The following FHIP1A variants were observed in gnomAD, a reference collection of about 807,000 sequenced individuals.
The protein encoded by FHIP1A is FHF complex subunit HOOK interacting protein 1A, also known as FHF complex subunit HOOK-interacting protein 1A.
FHIP1A carries 61 observed loss-of-function variants against 88.6 expected under a neutral mutation model. The ratio of observed to expected loss-of-function variants is 0.69; its 90% CI spans 0.56 to 0.85. FHIP1A has a LOEUF of 0.85. Ranked by LOEUF, FHIP1A falls within the 40% of genes least tolerant of loss-of-function variation. The pLI, the probability that FHIP1A is intolerant of heterozygous loss-of-function variation, is 0.00. For synonymous variants in FHIP1A, 478 were observed against 496.0 expected (o/e 0.96, Z 0.48); for missense variants, 1,154 against 1,273.5 (o/e 0.91, Z 1.43).
At chr4:151,545,101 T>G (rs1732441884) in intron 3 of FHIP1A, among the ~76,000 whole-genome samples, 1 of 152,164 alleles carries the variant, frequency 6.6e-6, no homozygotes, top group Non-Finnish European at 1.5e-5. Flanking sequence ...AAGTCCTCAC[T>G]GCCCTCACTA....
intron 1 of FHIP1A, among the ~76,000 whole-genome samples, chr4:151,432,457 A>G (rs371813037): frequency 6.6e-6 from 1 of 152,226 alleles, no homozygotes; most frequent in African/African-American, 2.4e-5. Flanking sequence ...CAAGGTTCCT[A>G]TTCTCATTGG....
In FHIP1A at chr4:151,458,406, G is replaced by A. The variant is rs192698121; in HGVS notation, c.-248+3598G>A. The stretch of plus-strand genomic sequence containing the variant: ...AGCCTAGCCAGGTCTGCTGTGGTGT[G>A]AACAGGCTCTAGGAAAGTCTTCACC... On this transcript the variant is annotated intron_variant, in intron 2 of 13. Transcript: ENST00000435205. Among the ~76,000 whole-genome samples the A allele has an allele frequency of 2.6e-5, 4 of 152,296 alleles. No individual in the cohort carries two copies. The East Asian group carries it at 5.8e-4, about 22-fold the overall frequency.
At chr4:151,478,159 C>T (rs1280012298) in intron 2 of FHIP1A, among the ~76,000 whole-genome samples, 3 of 152,030 alleles carry the variant, frequency 2.0e-5, no homozygotes, top group Non-Finnish European at 2.9e-5. Flanking sequence ...GCTGTACACT[C>T]GAAAATGTTC....
chr4:151,495,417 G>A (rs566469580), intron 3 of FHIP1A, among the ~76,000 whole-genome samples: 10 of 151,602 alleles, frequency 6.6e-5, no homozygotes, highest in East Asian at 5.9e-4. Flanking sequence ...CACAAGAATC[G>A]CTTGAACCTG....
At chr4:151,455,594 T>G (rs1728938936) in intron 2 of FHIP1A, among the ~76,000 whole-genome samples, 4 of 152,188 alleles carry the variant, frequency 2.6e-5, no homozygotes, top group South Asian at 2.1e-4. Context: ...TCCTCATATT[T>G]TGGAAGTTCA....
chr4:151,599,476 A>G (rs1734778059), intron 7 of FHIP1A, among the ~76,000 whole-genome samples: 1 of 152,178 alleles, frequency 6.6e-6, no homozygotes, highest in African/African-American at 2.4e-5. Context: ...GAAGGCTGGG[A>G]GAGCTTTCAG....
intron 2 of FHIP1A, among the ~76,000 whole-genome samples, chr4:151,478,992 T>C (rs2126630671): frequency 6.6e-6 from 1 of 152,210 alleles, no homozygotes; most frequent in Admixed American, 6.6e-5. Context: ...CCCAAAGTCA[T>C]CCAAATTACA....
chr4:151,463,732 C>G (rs1176102771), intron 2 of FHIP1A, among the ~76,000 whole-genome samples: 1 of 152,198 alleles, frequency 6.6e-6, no homozygotes, highest in African/African-American at 2.4e-5. Context: ...TGTCTGATGA[C>G]AATACCGAGC....
At chr4:151,541,764 C>T (rs530688392) in intron 3 of FHIP1A, among the ~76,000 whole-genome samples, 12 of 152,250 alleles carry the variant, frequency 7.9e-5, no homozygotes, top group South Asian at 4.2e-4. Flanking sequence ...TGGGCTCTGT[C>T]GGTAGTAGCC....
intron 3 of FHIP1A, among the ~76,000 whole-genome samples, chr4:151,494,689 T>C (rs1462598131): frequency 6.6e-6 from 1 of 152,246 alleles, no homozygotes; most frequent in Non-Finnish European, 1.5e-5. Context: ...TGAAATACTT[T>C]TTTCTAATTT....
intron 1 of FHIP1A, among the ~76,000 whole-genome samples, chr4:151,428,746 T>TC (rs1733479838): frequency 6.6e-6 from 1 of 151,578 alleles, no homozygotes; most frequent in African/African-American, 2.4e-5. Flanking sequence ...CCACTGTCGT[T>TC]CTTTCATTTC....
intron 7 of FHIP1A, among the ~76,000 whole-genome samples, chr4:151,603,344 G>A (rs11932059): frequency 0.29 from 43,185 of 151,230 alleles, 6,389 homozygotes; most frequent in Non-Finnish European, 0.33. Flanking sequence ...GTAAAGAATC[G>A]CTTTATTAAC....
intron 1 of FHIP1A, among the ~76,000 whole-genome samples, chr4:151,419,568 C>CTTTTTTTTTTTTTTTTT (rs70941499): frequency 9.1e-5 from 2 of 21,984 alleles, no homozygotes; most frequent in African/African-American, 4.3e-4. Context: ...GTTCCTCATT[C>CTTTTTTTTTTTTTTTTT]TTTTTTTTTT....
At chr4:151,580,716 G>T (rs929037904) in intron 5 of FHIP1A, among the ~76,000 whole-genome samples, 3 of 152,146 alleles carry the variant, frequency 2.0e-5, no homozygotes, top group African/African-American at 7.2e-5. Flanking sequence ...ATAAGTACGT[G>T]AAGTGAAAGA....
intron 11 of FHIP1A, 52 bp downstream of exon 11, chr4:151,650,644 T>C: frequency 6.7e-7 from 1 of 1,489,966 alleles, no homozygotes; most frequent in Non-Finnish European, 8.9e-7. Flanking sequence ...TACTTGTATA[T>C]ATTGGAACAG....
At chr4:151,476,390 C>G (rs1252421358) in intron 2 of FHIP1A, among the ~76,000 whole-genome samples, 1 of 151,826 alleles carries the variant, frequency 6.6e-6, no homozygotes, top group Non-Finnish European at 1.5e-5. Flanking sequence ...CTTAAGAAAT[C>G]CTCTCACCTC....
chr4:151,468,620 G>T (rs1669787778), intron 2 of FHIP1A, among the ~76,000 whole-genome samples: 1 of 152,116 alleles, frequency 6.6e-6, no homozygotes, highest in Non-Finnish European at 1.5e-5. Context: ...GCCACCCCAT[G>T]CCCCATTTCT....
intron 3 of FHIP1A, among the ~76,000 whole-genome samples, chr4:151,554,553 C>G (rs1732872668): frequency 6.6e-6 from 1 of 152,122 alleles, no homozygotes; most frequent in Non-Finnish European, 1.5e-5. Context: ...AAGGCAGGTA[C>G]TTAGTAGGCA....
intron 7 of FHIP1A, among the ~76,000 whole-genome samples, chr4:151,598,294 C>T (rs1194788101): frequency 6.6e-6 from 1 of 152,098 alleles, no homozygotes; most frequent in Admixed American, 6.5e-5. Flanking sequence ...AGCGAGTTCC[C>T]CGACTCCTCG....
Sources: allele counts gnomAD v4.1 joint callset (sites outside exome capture counted in the v4.1 genomes callset), GRCh38; gene constraint gnomAD v4.1.1; transcripts MANE v1.5; gene names NCBI Gene and HGNC (gene_info 2026-07-23, HGNC 2026-07-21).